Variants in DTWD2 observed in about 807,000 individuals in gnomAD.
The protein encoded by DTWD2 is DTW motif tRNA-uridine aminocarboxypropyltransferase 2.
DTWD2 carries 39 observed loss-of-function variants against 31.8 expected under a neutral mutation model. That is an observed-to-expected ratio of 1.22 (90% CI 0.95 to 1.60). The LOEUF is 1.60. Ranked by LOEUF, DTWD2 falls within the 40% of genes most tolerant of loss-of-function variation. DTWD2 has a pLI of 0.00. For missense variants in DTWD2, 515 were observed against 381.5 expected, an observed-to-expected ratio of 1.35 and a Z score of -2.92; for synonymous variants, 180 against 142.8, an observed-to-expected ratio of 1.26 and a Z score of -1.86.
At chr5:118,969,749 C>T (rs1340619119) in intron 1 of DTWD2, among the ~76,000 whole-genome samples, 1 of 152,102 alleles carries the variant, frequency 6.6e-6, no homozygotes, top group Non-Finnish European at 1.5e-5. Context: ...AATGCAAAAA[C>T]GCTGAAAACT....
At chr5:118,905,788 T>G (rs73239038) in intron 4 of DTWD2, among the ~76,000 whole-genome samples, 5,609 of 152,220 alleles carry the variant, frequency 0.037, 353 homozygotes, top group African/African-American at 0.13. Context: ...CCACCCTTCA[T>G]GCATAAAAGT....
At chr5:118,845,342 C>G (rs781290472) in intron 5 of DTWD2, among the ~76,000 whole-genome samples, 1 of 152,110 alleles carries the variant, frequency 6.6e-6, no homozygotes, top group Non-Finnish European at 1.5e-5. Flanking sequence ...ATGTTTAGGG[C>G]AGACTGATAC....
At chr5:118,978,700 G>A (rs1022356671) in intron 1 of DTWD2, among the ~76,000 whole-genome samples, 4 of 152,152 alleles carry the variant, frequency 2.6e-5, no homozygotes, top group Non-Finnish European at 4.4e-5. Context: ...AGTCAGAATG[G>A]TGACTATCAA....
intron 4 of DTWD2, among the ~76,000 whole-genome samples, chr5:118,893,624 C>T (rs907624848): frequency 3.3e-5 from 5 of 152,014 alleles, no homozygotes; most frequent in Non-Finnish European, 5.9e-5. Flanking sequence ...TACTAGATTA[C>T]ATGAATGGTC....
At chr5:118,923,568 G>A (rs974317167) in intron 4 of DTWD2, among the ~76,000 whole-genome samples, 1 of 152,226 alleles carries the variant, frequency 6.6e-6, no homozygotes, top group Non-Finnish European at 1.5e-5. Context: ...TCTTGGGAAA[G>A]AGGCGAACCT....
intron 4 of DTWD2, among the ~76,000 whole-genome samples, chr5:118,898,543 C>G (rs1484218941): frequency 3.3e-5 from 5 of 150,668 alleles, no homozygotes. Context: ...CCTGTAATCT[C>G]AACTTCTCAG....
chr5:118,856,416 T>A (rs1273776956), intron 4 of DTWD2, among the ~76,000 whole-genome samples: 1 of 152,194 alleles, frequency 6.6e-6, no homozygotes, highest in East Asian at 1.9e-4. Flanking sequence ...ATATTTGGGA[T>A]CTTTAAAGTT....
chr5:118,985,067 CAT>C (rs1336273622), intron 1 of DTWD2, among the ~76,000 whole-genome samples: 1 of 152,124 alleles, frequency 6.6e-6, no homozygotes, highest in Non-Finnish European at 1.5e-5. Flanking sequence ...AACTCCCTGA[CAT>C]AGTTTATTTT....
chr5:118,850,188 G>A (rs1029125539), intron 4 of DTWD2, among the ~76,000 whole-genome samples: 1 of 151,530 alleles, frequency 6.6e-6, no homozygotes, highest in Admixed American at 6.6e-5. Flanking sequence ...AGATGGCCAG[G>A]TGGAGTGGCT....
chr5:118,939,150 T>C lies in DTWD2; in HGVS notation c.404+46A>G, dbSNP rs762573102. On this transcript the variant is annotated intron_variant, in intron 3 of 5. Coordinates refer to ENST00000510708, the MANE Select transcript of DTWD2 (RefSeq NM_173666.4). Reference sequence around the variant, plus strand: ...AGCTGAAAGAAACCATTTTTTAAGATCTGTGTAGAAAAGAATTATTTACAT... The same window carrying C: ...AGCTGAAAGAAACCATTTTTTAAGACCTGTGTAGAAAAGAATTATTTACAT... 3 of 1,533,278 alleles carry C rather than the reference T, an allele frequency of 2.0e-6. No individual in the cohort carries two copies. In the African/African-American group the frequency reaches 4.2e-5, roughly 21 times the overall value. The allele number at this position is 1,533,278 out of a possible 1,614,324, so 95.0% of individuals were successfully genotyped here. A position where few individuals can be genotyped will look rare whatever the true frequency, so the allele number is the denominator to read the frequency against.
At chr5:118,973,677 C>A in intron 1 of DTWD2, 1 of 1,169,620 alleles carries the variant, frequency 8.5e-7, no homozygotes, top group Non-Finnish European at 1.2e-6. Flanking sequence ...TTGCTCGCCG[C>A]AGCCGCCTCC....
At chr5:118,987,513 A>G (rs977548423) in intron 1 of DTWD2, among the ~76,000 whole-genome samples, 1 of 152,210 alleles carries the variant, frequency 6.6e-6, no homozygotes, top group Non-Finnish European at 1.5e-5. Context: ...TCTCAGAGAT[A>G]GTTCATGACA....
chr5:118,884,185 T>C (rs1752804169), intron 4 of DTWD2, among the ~76,000 whole-genome samples: 1 of 152,230 alleles, frequency 6.6e-6, no homozygotes, highest in South Asian at 2.1e-4. Context: ...TACTTCTCAC[T>C]TCACTAACAG....
At chr5:118,899,351 T>C (rs1358791267) in intron 4 of DTWD2, among the ~76,000 whole-genome samples, 3 of 152,216 alleles carry the variant, frequency 2.0e-5, no homozygotes, top group Non-Finnish European at 2.9e-5. Context: ...CAGAAACACA[T>C]GTAAAACAAG....
At chr5:118,969,340 T>C (rs115575652) in intron 1 of DTWD2, among the ~76,000 whole-genome samples, 3,065 of 152,274 alleles carry the variant, frequency 0.02, 104 homozygotes, top group African/African-American at 0.069. Flanking sequence ...CCAGACTGCT[T>C]CTTTAAGCAG....
chr5:118,884,820 C>T (rs1024318349), intron 4 of DTWD2, among the ~76,000 whole-genome samples: 1 of 151,294 alleles, frequency 6.6e-6, no homozygotes, highest in Non-Finnish European at 1.5e-5. Flanking sequence ...TCCTGGCTAA[C>T]ACGGTGAAAC....
intron 4 of DTWD2, among the ~76,000 whole-genome samples, chr5:118,910,785 G>A (rs1313185822): frequency 3.3e-5 from 5 of 152,108 alleles, no homozygotes; most frequent in South Asian, 4.2e-4. Flanking sequence ...TTCACAGTTC[G>A]GGAGCAGAGT....
chr5:118,842,119 A>G (rs1383195748), intron 5 of DTWD2, among the ~76,000 whole-genome samples: 3 of 152,012 alleles, frequency 2.0e-5, no homozygotes, highest in African/African-American at 4.8e-5. Context: ...GATGCACAAC[A>G]TAAGTGGTAG....
intron 1 of DTWD2, among the ~76,000 whole-genome samples, chr5:118,953,815 T>G (rs541538160): frequency 6.6e-6 from 1 of 152,110 alleles, no homozygotes; most frequent in African/African-American, 2.4e-5. Flanking sequence ...AAATGCAAAT[T>G]TGTGGCTCCT....
Sources: gnomAD v4.1 joint callset for allele counts (sites outside exome capture counted in the v4.1 genomes callset) on GRCh38, gnomAD v4.1.1 for gene constraint, MANE v1.5 for transcripts, NCBI Gene and HGNC (gene_info 2026-07-23, HGNC 2026-07-21) for gene names.